The following AGMO variants were observed in gnomAD, a reference collection of about 807,000 sequenced individuals.
AGMO encodes glyceryl-ether monooxygenase.
AGMO carries 75 observed loss-of-function variants against 60.2 expected under a neutral mutation model. The observed-to-expected ratio is 1.25, with a 90% CI of 1.03 to 1.51. The LOEUF is 1.51. AGMO is among the 40% of genes most tolerant of loss of function. The pLI is 0.00. For synonymous variants in AGMO, 261 were observed against 177.1 expected (o/e 1.47, Z -3.76); for missense variants, 763 against 525.5 (o/e 1.45, Z -4.42).
chr7:15,492,661 C>A (rs925749978), intron 3 of AGMO, among the ~76,000 whole-genome samples: 3 of 151,846 alleles, frequency 2.0e-5, no homozygotes, highest in African/African-American at 7.3e-5. Flanking sequence ...TCAGTGAAGA[C>A]AGAAACCTTC....
chr7:15,368,067 C>T (rs1316431596), intron 10 of AGMO, among the ~76,000 whole-genome samples: 1 of 151,912 alleles, frequency 6.6e-6, no homozygotes, highest in Non-Finnish European at 1.5e-5. Flanking sequence ...TTTAAACCCT[C>T]CAAAGCAATA....
chr7:15,555,303 AC>A (rs1785103851), intron 2 of AGMO, among the ~76,000 whole-genome samples: 1 of 124,430 alleles, frequency 8.0e-6, no homozygotes, highest in African/African-American at 4.1e-5. Flanking sequence ...ACACACACAC[AC>A]ACACACACAC....
At chr7:15,144,079 G>T in the AGMO span, among the ~76,000 whole-genome samples, 1 of 152,092 alleles carries the variant, frequency 6.6e-6, no homozygotes. Context: ...ACTATAAAAA[G>T]ATATGCATCA....
At chr7:15,263,555 T>C (rs1010750619) in intron 12 of AGMO, among the ~76,000 whole-genome samples, 2 of 152,040 alleles carry the variant, frequency 1.3e-5, no homozygotes, top group Non-Finnish European at 2.9e-5. Flanking sequence ...TGATCACCAA[T>C]CCCACTACTA....
At chr7:15,146,376 AC>A in the AGMO span, among the ~76,000 whole-genome samples, 2 of 152,204 alleles carry the variant, frequency 1.3e-5, no homozygotes, top group Non-Finnish European at 1.5e-5. Flanking sequence ...CAAATGAATT[AC>A]CCAAAGAAAG....
chr7:15,146,545 T>C, the AGMO span, among the ~76,000 whole-genome samples: 3 of 152,104 alleles, frequency 2.0e-5, no homozygotes, highest in South Asian at 6.2e-4. Context: ...AGTACCAAAG[T>C]ACTCTTTGTT....
intron 3 of AGMO, among the ~76,000 whole-genome samples, chr7:15,487,743 G>A: frequency 6.6e-6 from 1 of 150,922 alleles, no homozygotes; most frequent in African/African-American, 2.4e-5. Flanking sequence ...GATATTTTGG[G>A]GAAAAAAAAA....
At chr7:15,553,781 C>T (rs920874869) in intron 2 of AGMO, among the ~76,000 whole-genome samples, 1 of 151,982 alleles carries the variant, frequency 6.6e-6, no homozygotes, top group African/African-American at 2.4e-5. Flanking sequence ...ATTTCCTGTA[C>T]AGGTGCCAGG....
rs547390528 is a variant in AGMO, at chr7:15,297,431, A to G, written c.1263+68083T>C. 4.6e-5 allele frequency among the ~76,000 whole-genome samples: 7 copies of G among 152,320 alleles called. No homozygotes were observed. The South Asian group carries it at 1.0e-3, about 23-fold the overall frequency. On this transcript the variant is annotated intron_variant, in intron 12 of 12. Transcript: ENST00000342526. ...CAAATATCATTACAGAAATGGGGCT[A>G]TAACTGTACACTGTGGTAAATTTTC...
At chr7:15,396,486 G>T (rs559118106) in intron 5 of AGMO, 1 of 152,228 alleles carries the variant, frequency 6.6e-6, no homozygotes, top group African/African-American at 2.4e-5. Context: ...AAACGTGGCA[G>T]GGACCCAAAG....
chr7:15,256,529 T>G (rs531664410), intron 12 of AGMO, among the ~76,000 whole-genome samples: 13 of 151,998 alleles, frequency 8.6e-5, no homozygotes, highest in Middle Eastern at 6.8e-3. Flanking sequence ...GTGTAATTTT[T>G]TGTGTGTGTA....
At chr7:15,310,260 C>T (rs1240646921) in intron 12 of AGMO, among the ~76,000 whole-genome samples, 1 of 152,084 alleles carries the variant, frequency 6.6e-6, no homozygotes, top group Non-Finnish European at 1.5e-5. Flanking sequence ...ATGATCAAAG[C>T]TGTGGTTATT....
chr7:15,164,337 TA>T, the AGMO span, among the ~76,000 whole-genome samples: 1 of 151,824 alleles, frequency 6.6e-6, no homozygotes, highest in Non-Finnish European at 1.5e-5. Flanking sequence ...CCTAGGTAAA[TA>T]ATCATGACTA....
At chr7:15,371,304 TC>T (rs1376387563) in intron 10 of AGMO, among the ~76,000 whole-genome samples, 2 of 151,318 alleles carry the variant, frequency 1.3e-5, no homozygotes, top group Non-Finnish European at 2.9e-5. Flanking sequence ...CACGACAACC[TC>T]CCTTTCCAGC....
intron 3 of AGMO, among the ~76,000 whole-genome samples, chr7:15,509,577 A>C (rs570725889): frequency 1.3e-5 from 2 of 152,248 alleles, no homozygotes; most frequent in African/African-American, 2.4e-5. Flanking sequence ...AGTAAAAATA[A>C]ACAAATAGAC....
In AGMO at chr7:15,449,402, G is replaced by A. The variant is rs75212505; in HGVS notation, c.410-18294C>T. ...TATACAGCCATGTGCCACATAATGCGTCTCTGGTAAAGGACAGACCACATA... is the reference window on the plus strand; with the variant it reads ...TATACAGCCATGTGCCACATAATGCATCTCTGGTAAAGGACAGACCACATA... On this transcript the variant is annotated intron_variant, in intron 3 of 12. Transcript: ENST00000342526. 2.8e-4 allele frequency among the ~76,000 whole-genome samples: 43 copies of A among 151,946 alleles called. No individual in the cohort carries two copies. The East Asian group carries it at 6.8e-3, about 24-fold the overall frequency.
At chr7:15,177,660 T>TAACTC in the AGMO span, among the ~76,000 whole-genome samples, 1 of 152,148 alleles carries the variant, frequency 6.6e-6, no homozygotes, top group Non-Finnish European at 1.5e-5. Flanking sequence ...TAGCATGTCT[T>TAACTC]AACTCTTACT....
intron 12 of AGMO, among the ~76,000 whole-genome samples, chr7:15,226,369 A>G (rs1029810879): frequency 4.6e-5 from 7 of 152,128 alleles, no homozygotes; most frequent in Non-Finnish European, 8.8e-5. Flanking sequence ...GACCTTAGAA[A>G]AGTCAGTTAA....
At chr7:15,383,266 T>C (rs996242495) in intron 10 of AGMO, among the ~76,000 whole-genome samples, 3 of 152,142 alleles carry the variant, frequency 2.0e-5, no homozygotes, top group Non-Finnish European at 4.4e-5. Flanking sequence ...GAATTTGCAC[T>C]CAGAAAAGCA....
Sources: allele counts gnomAD v4.1 joint callset (sites outside exome capture counted in the v4.1 genomes callset), GRCh38; gene constraint gnomAD v4.1.1; transcripts MANE v1.5; gene names NCBI Gene and HGNC (gene_info 2026-07-23, HGNC 2026-07-21).